Variants in PRUNE2 observed in about 807,000 individuals in gnomAD.
PRUNE2 encodes protein prune homolog 2.
In PRUNE2, 164 loss-of-function variants were observed where a neutral mutation model predicts 252.0. The observed-to-expected ratio is 0.65, with a 90% CI of 0.57 to 0.74. PRUNE2 has a LOEUF of 0.74. Among genes scored for constraint, PRUNE2 ranks in the 30% least tolerant of loss-of-function variants. The pLI is 0.00. For synonymous variants in PRUNE2, 1,292 were observed against 1,350.2 expected (o/e 0.96, Z 0.94); for missense variants, 3,495 against 3,711.0 (o/e 0.94, Z 1.51).
Position 76,716,897 on chromosome 9 carries a change from G to A in PRUNE2, c.757-3176C>T, listed in dbSNP as rs2047200243. ...CATTGTTCAACTCCCACTTATGAGT[G>A]AGAATATGCAGTGTTTGGTTTTCTG... On this transcript the variant is annotated intron_variant, in intron 6 of 18. Transcript: ENST00000376718. Among the ~76,000 whole-genome samples the A allele has an allele frequency of 2.6e-5, 4 of 151,576 alleles. No homozygotes were observed. The South Asian group carries it at 8.3e-4, about 32-fold the overall frequency.
At chr9:76,790,656 AG>A (rs370232186) in intron 6 of PRUNE2, among the ~76,000 whole-genome samples, 14 of 152,230 alleles carry the variant, frequency 9.2e-5, no homozygotes, top group African/African-American at 3.4e-4. Flanking sequence ...AAAAATAAGA[AG>A]GAGAAAGGTT....
chr9:76,622,160 G>T (rs1832643119), intron 17 of PRUNE2, among the ~76,000 whole-genome samples: 1 of 152,174 alleles, frequency 6.6e-6, no homozygotes, highest in East Asian at 1.9e-4. Context: ...ATTAATTTAT[G>T]CAGCATAAAT....
intron 9 of PRUNE2, among the ~76,000 whole-genome samples, chr9:76,661,103 G>C (rs542726304): frequency 6.6e-6 from 1 of 152,166 alleles, no homozygotes; most frequent in African/African-American, 2.4e-5. Flanking sequence ...TGTCATAGCA[G>C]GTAATGTCAC....
At chr9:76,717,535 A>G (rs2047257838) in intron 6 of PRUNE2, among the ~76,000 whole-genome samples, 1 of 152,158 alleles carries the variant, frequency 6.6e-6, no homozygotes, top group Non-Finnish European at 1.5e-5. Context: ...ACATGTATAC[A>G]AATACTATTT....
chr9:76,700,427 T>C (rs1158674498), intron 9 of PRUNE2, among the ~76,000 whole-genome samples: 2 of 152,178 alleles, frequency 1.3e-5, no homozygotes, highest in Non-Finnish European at 2.9e-5. Flanking sequence ...AGCTATCTCA[T>C]TGTTTTGCTT....
rs114925722 is a variant in PRUNE2 at position 76,885,291 on chromosome 9, T to C, written c.36+20637A>G. 4.0e-3 allele frequency among the ~76,000 whole-genome samples: 606 copies of C among 152,310 alleles called. 3 individuals are homozygous for C. Among genetic ancestry groups the C allele is most frequent in the African/African-American group, 0.014 (565 of 41,564 alleles). The stretch of plus-strand genomic sequence containing the variant: ...AAACTAGGCCATTCTTCCTTTCAAT[T>C]TAGGGTTTGTTTTATAAGATGACAT... On this transcript the variant is annotated intron_variant, in intron 1 of 18. Transcript: ENST00000376718.
chr9:76,786,118 A>G (rs1156957210), intron 6 of PRUNE2: 2 of 152,210 alleles, frequency 1.3e-5, no homozygotes, highest in East Asian at 3.9e-4. Flanking sequence ...TCTCAGCAGA[A>G]GCCAGAATTT....
intron 9 of PRUNE2, among the ~76,000 whole-genome samples, chr9:76,668,327 G>T (rs1478604697): frequency 1.3e-5 from 2 of 152,164 alleles, no homozygotes; most frequent in African/African-American, 4.8e-5. Context: ...AAATTTCTCA[G>T]ATCTCTGATT....
chr9:76,832,526 TTTAAC>T (rs1233701282), intron 4 of PRUNE2, among the ~76,000 whole-genome samples: 2 of 152,056 alleles, frequency 1.3e-5, no homozygotes, highest in Non-Finnish European at 2.9e-5. Context: ...ATATAATACT[TTTAAC>T]TAAATGAGAA....
rs988958194 is a variant in PRUNE2 at position 76,894,748 on chromosome 9, G to A, written c.36+11180C>T. On this transcript the variant is annotated intron_variant, in intron 1 of 18. Coordinates refer to ENST00000376718, the MANE Select transcript of PRUNE2 (RefSeq NM_015225.3). ...AAAAAAAAAAGGACCAGCCAGGTAC[G>A]GTGGCTCACACCTGTAATCCCAGCA... 7.7e-5 allele frequency among the ~76,000 whole-genome samples: 11 copies of A among 142,132 alleles called. No homozygotes were observed. In the South Asian group the frequency reaches 8.8e-4, roughly 11 times the overall value. 93.2% of individuals were successfully genotyped at this position (142,132 alleles called of 152,430 possible).
intron 9 of PRUNE2, among the ~76,000 whole-genome samples, chr9:76,690,865 G>A (rs1564049724): frequency 6.6e-6 from 1 of 152,088 alleles, no homozygotes; most frequent in African/African-American, 2.4e-5. Flanking sequence ...AGAGTACTGA[G>A]CTTTCAGTAC....
At chr9:76,739,260 C>T (rs1235910737) in intron 6 of PRUNE2, 2 of 152,080 alleles carry the variant, frequency 1.3e-5, no homozygotes, top group Non-Finnish European at 2.9e-5. Flanking sequence ...GAGTAGAATT[C>T]CTGGTTTGGA....
chr9:76,867,665 T>C (rs2060926505), intron 1 of PRUNE2, among the ~76,000 whole-genome samples: 1 of 152,112 alleles, frequency 6.6e-6, no homozygotes, highest in South Asian at 2.1e-4. Flanking sequence ...ACCTCCTGGG[T>C]TCAAGTGATT....
rs892761534 is a variant in PRUNE2 at position 76,704,696 on chromosome 9, CA to C, written c.7513+64del. On this transcript the variant is annotated intron_variant, in intron 8 of 18. Coordinates refer to ENST00000376718, the MANE Select transcript of PRUNE2 (RefSeq NM_015225.3). ...TCATTGGTAGGAAGAGTGTGTCTTA[CA>C]AATATGCACTAGTTTAATCAACGCA... 9.0e-5 allele frequency: 103 copies of C among 1,139,482 alleles called. 1 individual carries two copies. The African/African-American group carries it at 1.2e-3, about 13-fold the overall frequency. 70.6% of individuals were successfully genotyped at this position (1,139,482 alleles called of 1,614,324 possible).
chr9:76,730,228 C>T (rs1264559846), intron 6 of PRUNE2, among the ~76,000 whole-genome samples: 1 of 152,120 alleles, frequency 6.6e-6, no homozygotes, highest in East Asian at 1.9e-4. Flanking sequence ...CTAAGGTTAT[C>T]GATGAGTATA....
Position 76,709,221 on chromosome 9 carries a change from G to GACTGTTGCAGTC in PRUNE2, c.3052_3053insGACTGCAACAGT (p.Gln1017_Ser1018insTer), listed in dbSNP as rs866886712. The GACTGTTGCAGTC allele has an allele frequency of 6.2e-7, 1 of 1,613,882 alleles. No individual in the cohort carries two copies. Among genetic ancestry groups the GACTGTTGCAGTC allele is most frequent in the Non-Finnish European group, 8.5e-7 (1 of 1,179,836 alleles). ...ACCTGAACTGATTCGATTTCGAGAT[G>GACTGTTGCAGTC]ACTGTTGCAGTGACTGAGGAGGAAT... On this transcript the variant is annotated stop_gained, in exon 8 of 19. Coordinates refer to ENST00000376718, the MANE Select transcript of PRUNE2 (RefSeq NM_015225.3). LOFTEE classifies it high-confidence loss of function.
chr9:76,713,690 TCA>T lies in PRUNE2; in HGVS notation c.786_787del (p.Ser262ArgfsTer12). 1 of 1,599,184 alleles carries T rather than the reference TCA, an allele frequency of 6.3e-7. No individual in the cohort carries two copies. The highest frequency in any genetic ancestry group is 1.7e-5 in the Admixed American group (1 of 57,872). On this transcript the variant is annotated frameshift_variant, in exon 7 of 19. Coordinates refer to ENST00000376718, the MANE Select transcript of PRUNE2 (RefSeq NM_015225.3). LOFTEE classifies it high-confidence loss of function. ...AAACTTGTCTGTAAATGCTTTCAAG[TCA>T]CTGGTAATATTGCTGTGAAATAGAC...
intron 9 of PRUNE2, among the ~76,000 whole-genome samples, chr9:76,700,951 G>A (rs886669633): frequency 6.6e-6 from 1 of 152,186 alleles, no homozygotes; most frequent in Admixed American, 6.5e-5. Context: ...CTGACATTGG[G>A]CATTGACTAG....
chr9:76,867,662 G>C (rs1483277945), intron 1 of PRUNE2, among the ~76,000 whole-genome samples: 1 of 152,142 alleles, frequency 6.6e-6, no homozygotes, highest in Non-Finnish European at 1.5e-5. Flanking sequence ...TCCACCTCCT[G>C]GGTTCAAGTG....
Sources: gnomAD v4.1 joint callset for allele counts (sites outside exome capture counted in the v4.1 genomes callset) on GRCh38, gnomAD v4.1.1 for gene constraint, MANE v1.5 for transcripts, NCBI Gene and HGNC (gene_info 2026-07-23, HGNC 2026-07-21) for gene names.